Variants in MYH13 observed in about 807,000 individuals in gnomAD.
MYH13 encodes myosin-13.
Under a neutral mutation model 232.1 loss-of-function variants are expected in MYH13, and 177 were observed. That is an observed-to-expected ratio of 0.76 (90% CI 0.67 to 0.86). MYH13 has a LOEUF of 0.86. Ranked by LOEUF, MYH13 falls within the 40% of genes least tolerant of loss-of-function variation. The probability of loss-of-function intolerance (pLI) is 0.00; values close to 1 mark genes in which losing one functional copy is unlikely to be tolerated. For synonymous variants in MYH13, 884 were observed against 923.5 expected (o/e 0.96, Z 0.78); for missense variants, 2,246 against 2,405.9 (o/e 0.93, Z 1.39).
Position 10,320,345 on chromosome 17 carries a change from A to G in MYH13, c.3257+6T>C. ...GAGACACAGAGGTGGTAAAAGAAAT[A>G]TCTACTTTTTCAATTTCTCTTCTAT... On this transcript the variant is annotated splice_donor_region_variant and intron_variant, in intron 25 of 40. Coordinates refer to ENST00000252172, the MANE Select transcript of MYH13 (RefSeq NM_003802.3). 6.2e-7 allele frequency: 1 copy of G among 1,611,264 alleles called. No homozygotes were observed. The highest frequency in any genetic ancestry group is 2.2e-5 in the East Asian group (1 of 44,866).
At position 10,315,924 on chromosome 17, in the gene MYH13, C is replaced by A; in HGVS notation, c.3840G>T (p.Gln1280His). ...CATTTTGGGTCTGCAGTCTTGCTTT[C>A]TGCATGTTCAGATCATGGATCAACT... ...QTQLIHDLNM[Q>H]KARLQTQNGE... is the part of the protein sequence containing the mutation. Residue 1280 changes from glutamine (Q) to histidine (H), a missense_variant, in exon 28 of 41, where the codon CAG (glutamine) becomes CAT (histidine). Physicochemically the swap from Gln to His is conservative, Grantham distance 24 (BLOSUM62 0). Transcript: ENST00000252172. The A allele has an allele frequency of 6.2e-7, 1 of 1,614,030 alleles. No individual in the cohort carries two copies. Among genetic ancestry groups the A allele is most frequent in the Non-Finnish European group, 8.5e-7 (1 of 1,179,906 alleles).
intron 11 of MYH13, among the ~76,000 whole-genome samples, chr17:10,353,964 G>T (rs2071730035): frequency 3.3e-5 from 5 of 150,702 alleles, no homozygotes; most frequent in Non-Finnish European, 7.4e-5. Flanking sequence ...AGGAAGGAAG[G>T]AAGGGAAAGA....
At chr17:10,366,528 C>T (rs1168799523) in intron 2 of MYH13, among the ~76,000 whole-genome samples, 1 of 151,720 alleles carries the variant, frequency 6.6e-6, no homozygotes, top group Non-Finnish European at 1.5e-5. Context: ...TTACAGGCGC[C>T]CACCACCACA....
chr17:10,371,538 G>T (rs2071877595), intron 1 of MYH13, among the ~76,000 whole-genome samples: 1 of 152,204 alleles, frequency 6.6e-6, no homozygotes, highest in South Asian at 2.1e-4. Flanking sequence ...GGGGTATGAA[G>T]AGGAAAGTAC....
chr17:10,360,938 C>A (rs1449120351), intron 5 of MYH13, among the ~76,000 whole-genome samples: 6 of 152,140 alleles, frequency 3.9e-5, no homozygotes, highest in African/African-American at 1.4e-4. Flanking sequence ...GCTAGCAAAC[C>A]ATAGAAGCTA....
intron 18 of MYH13, among the ~76,000 whole-genome samples, chr17:10,336,921 C>CTT (rs34120509): frequency 2.4e-4 from 34 of 142,498 alleles, no homozygotes; most frequent in East Asian, 1.0e-3. Context: ...AGCACTGTGT[C>CTT]TTTTTTTTTT....
chr17:10,360,990 G>T (rs1254014989), intron 5 of MYH13, among the ~76,000 whole-genome samples: 1 of 152,152 alleles, frequency 6.6e-6, no homozygotes, highest in Non-Finnish European at 1.5e-5. Flanking sequence ...AGCGTCCTCA[G>T]ACTAACCAAT....
chr17:10,305,653 C>T (rs1032745127), intron 37 of MYH13, among the ~76,000 whole-genome samples: 3 of 152,188 alleles, frequency 2.0e-5, no homozygotes, highest in Non-Finnish European at 4.4e-5. Context: ...CGAACAGCCT[C>T]CTCCGCAGAG....
chr17:10,322,697 A>T lies in MYH13; in HGVS notation c.2935-989T>A, dbSNP rs547840607. Among the ~76,000 whole-genome samples the T allele has an allele frequency of 2.2e-5, 3 of 136,440 alleles. No homozygotes were observed. In the South Asian group the frequency reaches 7.9e-4, roughly 36 times the overall value. 89.5% of individuals were successfully genotyped at this position (136,440 alleles called of 152,430 possible). A position where few individuals can be genotyped will look rare whatever the true frequency, so the allele number is the denominator to read the frequency against. On this transcript the variant is annotated intron_variant, in intron 23 of 40. Coordinates refer to ENST00000252172, the MANE Select transcript of MYH13 (RefSeq NM_003802.3). ...CGCCCAGGCTGGAGTGCAGTGGCGC[A>T]GTCTCAGCTCACTGCAAGCTCCGCC...
At chr17:10,340,464 G>T in intron 16 of MYH13, 63 bp from the exon 17 acceptor site, 1 of 1,338,350 alleles carries the variant, frequency 7.5e-7, no homozygotes, top group Non-Finnish European at 1.0e-6. Context: ...TGGGCTTCCT[G>T]AACCACCTGT....
At position 10,301,587 on chromosome 17, in the gene MYH13, G is replaced by A. The variant is rs1051501202; in HGVS notation, c.5784C>T (p.Ser1928=). Residue 1928 remains serine (S), a synonymous_variant, in exon 40 of 41, where the codon AGC becomes AGT. Transcript: ENST00000252172. ...ESQVNKLRAK[S]RDVGSQKMEE ...CTCTTACCTGGCTGCCCACGTCTCG[G>A]CTCTTGGCCCTCAGCTTGTTGACCT... The A allele has an allele frequency of 1.9e-6, 3 of 1,614,052 alleles. No homozygotes were observed. Among genetic ancestry groups the A allele is most frequent in the Admixed American group, 1.7e-5 (1 of 59,996 alleles).
At chr17:10,324,759 T>TTG (rs1555549980) in intron 22 of MYH13, 8 of 86,694 alleles carry the variant, frequency 9.2e-5, no homozygotes, top group Non-Finnish European at 2.1e-4. Flanking sequence ...TATACATGTT[T>TTG]TTTTTTTTTT....
At chr17:10,303,151 G>T in intron 39 of MYH13, 45 bp downstream of exon 39, 1 of 1,562,728 alleles carries the variant, frequency 6.4e-7, no homozygotes, top group South Asian at 1.1e-5. Context: ...GGATGCCCCA[G>T]GGACTGTCTG....
At chr17:10,361,975 A>C in intron 5 of MYH13, 143 bp downstream of exon 5, 1 of 1,487,866 alleles carries the variant, frequency 6.7e-7, no homozygotes, top group Non-Finnish European at 9.2e-7. Flanking sequence ...AAGATGTTGT[A>C]CCCTTTGCTT....
chr17:10,334,686 C>T (rs111662555), intron 18 of MYH13, among the ~76,000 whole-genome samples: 34 of 152,184 alleles, frequency 2.2e-4, no homozygotes, highest in African/African-American at 7.9e-4. Flanking sequence ...CAAGACCAGC[C>T]TGGCCAACAT....
chr17:10,303,430 G>GTGGGCTCCCTTCAGGGCT lies in MYH13; in HGVS notation c.5517_5534dup (p.Ala1844_His1845insGlnAlaLeuLysGlyAla). 5 of 1,613,980 alleles carry GTGGGCTCCCTTCAGGGCT rather than the reference G, an allele frequency of 3.1e-6. No homozygotes were observed. The highest frequency in any genetic ancestry group is 4.2e-6 in the Non-Finnish European group (5 of 1,179,900). Reference sequence around the variant, plus strand: ...TCTCCTTGACTTTGCGTTCGTACTTGTGGGCTCCCTTCAGGGCTTCAGCTC... The same window carrying GTGGGCTCCCTTCAGGGCT: ...TCTCCTTGACTTTGCGTTCGTACTTGTGGGCTCCCTTCAGGGCTTGGGCTCCCTTCAGGGCTTCAGCTC... On this transcript the variant is annotated inframe_insertion, in exon 38 of 41. Transcript: ENST00000252172.
intron 13 of MYH13, 91 bp downstream of exon 13, chr17:10,346,589 C>A: frequency 2.1e-6 from 2 of 974,736 alleles, no homozygotes; most frequent in Admixed American, 2.5e-5. Context: ...ATTTCATGTG[C>A]ATTTCTGATA....
At chr17:10,310,989 C>G in intron 33 of MYH13, 114 bp downstream of exon 33, 4 of 1,356,284 alleles carry the variant, frequency 2.9e-6, no homozygotes, top group Non-Finnish European at 4.1e-6. Context: ...GAATGTTACT[C>G]CCAATGGAGA....
intron 18 of MYH13, among the ~76,000 whole-genome samples, chr17:10,334,649 T>C (rs1907527600): frequency 6.6e-6 from 1 of 151,836 alleles, no homozygotes; most frequent in African/African-American, 2.4e-5. Context: ...GAGGTCGAGG[T>C]GGGTGGATCA....
Sources: allele counts gnomAD v4.1 joint callset (sites outside exome capture counted in the v4.1 genomes callset), GRCh38; gene constraint gnomAD v4.1.1; transcripts MANE v1.5; gene names NCBI Gene and HGNC (gene_info 2026-07-23, HGNC 2026-07-21).